Variants in SPATA33 observed in about 807,000 individuals in gnomAD.
SPATA33 encodes spermatogenesis associated 33, also known as spermatogenesis-associated protein 33.
In SPATA33, 10 loss-of-function variants were observed where a neutral mutation model predicts 8.9. The ratio of observed to expected loss-of-function variants is 1.12; its 90% CI spans 0.69 to 1.90. SPATA33 has a LOEUF of 1.90. SPATA33 is among the 40% of genes most tolerant of loss of function. The pLI is 0.00. For synonymous variants in SPATA33, 96 were observed against 72.8 expected, an observed-to-expected ratio of 1.32 and a Z score of -1.63; for missense variants, 241 against 178.3, an observed-to-expected ratio of 1.35 and a Z score of -2.00.
At position 89,657,838 on chromosome 16, in the gene SPATA33, G is replaced by A. The variant is rs2059900117; in HGVS notation, c.-74G>A. On this transcript the variant is annotated 5_prime_UTR_variant, in exon 1 of 3. Coordinates refer to ENST00000579310, the MANE Select transcript of SPATA33 (RefSeq NM_001271907.2). ...CGCCGCTGGCGCGAGGACCTTTTGT[G>A]AGTCGCTCCCGGCTCCGCGGCCGCG... 6.6e-7 allele frequency: 1 copy of A among 1,511,948 alleles called. No individual in the cohort carries two copies. Among genetic ancestry groups the A allele is most frequent in the African/African-American group, 1.4e-5 (1 of 68,966 alleles). 93.7% of individuals were successfully genotyped at this position (1,511,948 alleles called of 1,614,324 possible).
intron 2 of SPATA33, among the ~76,000 whole-genome samples, chr16:89,662,615 T>C (rs2059978381): frequency 6.6e-6 from 1 of 151,782 alleles, no homozygotes; most frequent in South Asian, 2.1e-4. Flanking sequence ...TTAGTAGAGA[T>C]GAGGTTTCGC....
chr16:89,666,259 C>G (rs990704500), intron 2 of SPATA33, among the ~76,000 whole-genome samples: 1 of 151,962 alleles, frequency 6.6e-6, no homozygotes, highest in East Asian at 1.9e-4. Flanking sequence ...CAGTGAGGTC[C>G]GAGGATCACT....
In SPATA33 at chr16:89,669,450, A is replaced by G. The variant is rs1396463304; in HGVS notation, c.376A>G (p.Arg126Gly). ...PEDWGPYRRH[R>G]NPSTADAYNS... ...GGACTGGGGCCCCTACCGGCGGCAC[A>G]GGAACCCCAGTACAGCAGACGCCTA... The change falls in exon 3 of 3, where the codon AGG becomes GGG. Residue 126 changes from arginine (R) to glycine (G), a missense_variant. Transcript: ENST00000579310. 1.2e-6 allele frequency: 2 copies of G among 1,613,686 alleles called. No homozygotes were observed. Among genetic ancestry groups the G allele is most frequent in the African/African-American group, 1.3e-5 (1 of 74,922 alleles).
rs1026191592 is a variant in SPATA33, at chr16:89,658,382, G to T, written c.172G>T (p.Gly58Trp). 2 of 1,612,662 alleles carry T rather than the reference G, an allele frequency of 1.2e-6. No homozygotes were observed. Among genetic ancestry groups the T allele is most frequent in the Non-Finnish European group, 8.5e-7 (1 of 1,179,722 alleles). The change falls in exon 2 of 3, where the codon GGG becomes TGG. Residue 58 changes from glycine to tryptophan, a missense_variant. By Grantham distance (184) the Gly-to-Trp change is radical. Transcript: ENST00000579310. Reference protein sequence around the residue: ...KPVDSLHPGAGTAKHPPPAAS... With the variant: ...KPVDSLHPGAWTAKHPPPAAS... The stretch of plus-strand genomic sequence containing the variant: ...TGTGGACAGCCTCCACCCGGGGGCC[G>T]GGACAGCCAAGCACCCGCCGCCGGC...
chr16:89,658,080 G>A lies in SPATA33; in HGVS notation c.37+132G>A, dbSNP rs960415413. On this transcript the variant is annotated intron_variant, in intron 1 of 2. Coordinates refer to ENST00000579310, the MANE Select transcript of SPATA33 (RefSeq NM_001271907.2). ...CCCGGTGCGAACCGTTCCTGCCGCC[G>A]AGTCCGCCACGGACGGCGCGTTTCC... is the stretch of plus-strand genomic sequence containing the variant. 1.5e-5 allele frequency: 22 copies of A among 1,476,964 alleles called. No homozygotes were observed. The Admixed American group carries it at 3.0e-4, about 20-fold the overall frequency. 91.5% of individuals were successfully genotyped at this position (1,476,964 alleles called of 1,614,324 possible). A position where few individuals can be genotyped will look rare whatever the true frequency, so the allele number is the denominator to read the frequency against.
At position 89,670,358 on chromosome 16, in the gene SPATA33, C is replaced by A. The variant is rs2060087274; in HGVS notation, c.*861C>A. ...CTCCATTGCCATTTGGTCCTGCCTT[C>A]CCCAGAGCTGCTAGCAGCTCGGTCG... On this transcript the variant is annotated 3_prime_UTR_variant, in exon 3 of 3. Transcript: ENST00000579310. 1 of 152,534 alleles carries A rather than the reference C, an allele frequency of 6.6e-6. No homozygotes were observed. 9.4% of individuals were successfully genotyped at this position (152,534 alleles called of 1,614,324 possible).
At chr16:89,668,003 A>T (rs987285390) in intron 2 of SPATA33, 9 of 152,312 alleles carry the variant, frequency 5.9e-5, no homozygotes, top group African/African-American at 2.2e-4. Context: ...GGCTCAGAAC[A>T]GGCACGCGAT....
chr16:89,665,119 C>T (rs1009971217), intron 2 of SPATA33, among the ~76,000 whole-genome samples: 1 of 152,014 alleles, frequency 6.6e-6, no homozygotes, highest in African/African-American at 2.4e-5. Flanking sequence ...CCTCAGCTCC[C>T]TGAGTAGCTG....
intron 2 of SPATA33, chr16:89,661,276 G>A: frequency 2.2e-6 from 2 of 902,056 alleles, no homozygotes; most frequent in Non-Finnish European, 1.3e-6. Context: ...GAACTGGGTG[G>A]GAGGTGATTG....
intron 2 of SPATA33, among the ~76,000 whole-genome samples, chr16:89,667,840 T>A (rs1007282663): frequency 6.6e-6 from 1 of 152,218 alleles, no homozygotes; most frequent in African/African-American, 2.4e-5. Flanking sequence ...CCCATCTGGT[T>A]AGCCTTGGGC....
intron 2 of SPATA33, among the ~76,000 whole-genome samples, chr16:89,665,896 A>G (rs1347348255): frequency 6.6e-6 from 1 of 152,074 alleles, no homozygotes; most frequent in Non-Finnish European, 1.5e-5. Context: ...CCTGGCCAAC[A>G]TGATGAAAGC....
intron 2 of SPATA33, among the ~76,000 whole-genome samples, chr16:89,667,342 G>C (rs897383182): frequency 1.3e-5 from 2 of 152,158 alleles, no homozygotes. Flanking sequence ...TATGATTGTA[G>C]AGCGAGGATT....
intron 2 of SPATA33, among the ~76,000 whole-genome samples, chr16:89,668,387 G>T (rs181236925): frequency 6.6e-6 from 1 of 152,350 alleles, no homozygotes; most frequent in East Asian, 1.9e-4. Flanking sequence ...ATCCAGGTTC[G>T]TGAGCTACCA....
intron 2 of SPATA33, among the ~76,000 whole-genome samples, chr16:89,667,740 G>A (rs1159546803): frequency 6.6e-6 from 1 of 152,266 alleles, no homozygotes; most frequent in Non-Finnish European, 1.5e-5. Context: ...ATGAGGCTAT[G>A]TAACGCAGCA....
chr16:89,660,442 G>T, intron 2 of SPATA33: 15 of 1,230,924 alleles, frequency 1.2e-5, no homozygotes, highest in African/African-American at 1.5e-5. Context: ...TCACACCAGA[G>T]GGTGGGGGAG....
upstream of SPATA33, chr16:89,657,835 T>G: frequency 6.6e-7 from 1 of 1,512,020 alleles, no homozygotes; most frequent in Non-Finnish European, 8.8e-7. Flanking sequence ...GAGGACCTTT[T>G]GTGAGTCGCT....
At chr16:89,658,488 G>T (rs759459652) in intron 2 of SPATA33, 67 bp downstream of exon 2, 4 of 1,536,086 alleles carry the variant, frequency 2.6e-6, no homozygotes, top group South Asian at 2.4e-5. Context: ...GGGGTGAGGA[G>T]CCTACTGTAA....
At chr16:89,658,096 G>A in intron 1 of SPATA33, 148 bp downstream of exon 1, 1 of 1,488,182 alleles carries the variant, frequency 6.7e-7, no homozygotes, top group East Asian at 2.4e-5. Context: ...GCCACGGACG[G>A]CGCGTTTCCC....
chr16:89,668,523 C>T (rs1325672173), intron 2 of SPATA33, among the ~76,000 whole-genome samples: 1 of 152,204 alleles, frequency 6.6e-6, no homozygotes, highest in African/African-American at 2.4e-5. Context: ...CCTGCTCTCC[C>T]AGAAGCCTGA....
Sources: allele counts gnomAD v4.1 joint callset (sites outside exome capture counted in the v4.1 genomes callset), GRCh38; gene constraint gnomAD v4.1.1; transcripts MANE v1.5; gene names NCBI Gene and HGNC (gene_info 2026-07-23, HGNC 2026-07-21).